Variants in SYCP1 observed in about 807,000 individuals in gnomAD.
The protein encoded by SYCP1 is cancer/testis antigen 8.
SYCP1 carries 64 observed loss-of-function variants against 153.1 expected under a neutral mutation model. The observed-to-expected ratio is 0.42, with a 90% confidence interval of 0.34 to 0.51. The LOEUF is 0.51. SYCP1 is among the 20% of genes least tolerant of loss of function. The pLI is 0.06. For missense variants in SYCP1, 997 were observed against 1,049.0 expected (o/e 0.95, Z 0.68); for synonymous variants, 384 against 341.8 (o/e 1.12, Z -1.36).
At chr1:114,963,809 T>C (rs1436149328) in intron 27 of SYCP1, among the ~76,000 whole-genome samples, 1 of 152,246 alleles carries the variant, frequency 6.6e-6, no homozygotes, top group African/African-American at 2.4e-5. Flanking sequence ...GTCTTTGCTA[T>C]TGTGAATAAT....
intron 14 of SYCP1, 25 bp downstream of exon 14, chr1:114,886,334 C>A (rs1666300574): frequency 1.4e-6 from 2 of 1,475,228 alleles, no homozygotes; most frequent in African/African-American, 1.4e-5. Flanking sequence ...ATTTTTAATA[C>A]ACAAAATAAG....
intron 8 of SYCP1, among the ~76,000 whole-genome samples, chr1:114,864,666 T>A (rs1200441032): frequency 6.6e-6 from 1 of 151,956 alleles, no homozygotes; most frequent in Non-Finnish European, 1.5e-5. Context: ...TTTTTGTATT[T>A]TTTTAGAGAC....
chr1:114,985,480 A>T (rs1014827769), intron 30 of SYCP1, among the ~76,000 whole-genome samples: 1 of 151,950 alleles, frequency 6.6e-6, no homozygotes, highest in Non-Finnish European at 1.5e-5. Context: ...AGATTCATTT[A>T]ATTTTTTTAA....
intron 16 of SYCP1, among the ~76,000 whole-genome samples, chr1:114,899,491 T>TA (rs1237391173): frequency 1.3e-5 from 2 of 152,198 alleles, no homozygotes; most frequent in African/African-American, 4.8e-5. Context: ...TCTTCAAAGT[T>TA]ATCAGACCTG....
rs1669218291 is a variant in SYCP1 at position 114,925,873 on chromosome 1, GGT to G, written c.1801-404_1801-403del. Among the ~76,000 whole-genome samples, 7 of 151,888 alleles carry G rather than the reference GGT, an allele frequency of 4.6e-5. 1 individual carries two copies. In the South Asian group the frequency reaches 1.5e-3, roughly 32 times the overall value. ...ACTGAGAGAAATTATATATATTAAT[GGT>G]ATACAAAGTGATGTTTTGATATATG... On this transcript the variant is annotated intron_variant, in intron 21 of 31. Coordinates refer to ENST00000369522, the MANE Select transcript of SYCP1 (RefSeq NM_003176.4).
intron 16 of SYCP1, among the ~76,000 whole-genome samples, chr1:114,897,126 T>C (rs1342016871): frequency 6.6e-6 from 1 of 152,164 alleles, no homozygotes; most frequent in African/African-American, 2.4e-5. Context: ...ACCTTCTCCA[T>C]TCTAAAGAAG....
chr1:114,935,398 T>C (rs1188949115), intron 23 of SYCP1, among the ~76,000 whole-genome samples: 1 of 152,204 alleles, frequency 6.6e-6, no homozygotes, highest in African/African-American at 2.4e-5. Flanking sequence ...CTGGGACACA[T>C]TTAAAGCAGT....
chr1:114,890,715 C>A (rs1221472414), intron 15 of SYCP1, among the ~76,000 whole-genome samples: 1 of 152,086 alleles, frequency 6.6e-6, no homozygotes, highest in Non-Finnish European at 1.5e-5. Flanking sequence ...GTCTCAAAAC[C>A]AGAAATCTTG....
intron 27 of SYCP1, among the ~76,000 whole-genome samples, chr1:114,959,295 A>G (rs759339980): frequency 1.3e-5 from 2 of 152,220 alleles, no homozygotes; most frequent in Non-Finnish European, 2.9e-5. Context: ...AACCAACTTT[A>G]CATTCTTGGC....
At chr1:114,894,471 C>T (rs1206720498) in intron 15 of SYCP1, among the ~76,000 whole-genome samples, 1 of 151,920 alleles carries the variant, frequency 6.6e-6, no homozygotes, top group African/African-American at 2.4e-5. Context: ...TTTTTGTGGG[C>T]AGGTTAAAAA....
At chr1:114,920,874 G>A (rs1474448465) in intron 20 of SYCP1, among the ~76,000 whole-genome samples, 1 of 152,056 alleles carries the variant, frequency 6.6e-6, no homozygotes, top group Non-Finnish European at 1.5e-5. Context: ...TATCTTTACA[G>A]GTGAAGAGGT....
rs1222095483 is a variant in SYCP1 at position 114,981,375 on chromosome 1, T to A, written c.2422T>A (p.Trp808Arg). ...TTTATTGGAAACACCTGAAATTTAT[T>A]GGAAATTGGATTCTAAAGCAGTTCC... is the stretch of plus-strand genomic sequence containing the variant. ...TFLLETPEIY[W>R]KLDSKAVPSQ... Residue 808 changes from tryptophan to arginine, a missense_variant, in exon 29 of 32, where the codon TGG becomes AGG. By Grantham distance (101) the Trp-to-Arg change is moderately radical. Around this residue, in one of 2 missense-constraint regions of SYCP1, gnomAD observed 712 missense variants for 682.9 expected, o/e 1.04. Coordinates refer to ENST00000369522, the MANE Select transcript of SYCP1 (RefSeq NM_003176.4). The A allele has an allele frequency of 6.2e-7, 1 of 1,602,352 alleles. No homozygotes were observed. Among genetic ancestry groups the A allele is most frequent in the Admixed American group, 1.7e-5 (1 of 57,166 alleles).
intron 30 of SYCP1, among the ~76,000 whole-genome samples, chr1:114,990,555 G>T (rs1673851518): frequency 6.6e-6 from 1 of 151,824 alleles, no homozygotes; most frequent in Non-Finnish European, 1.5e-5. Flanking sequence ...TTGGTTCTTT[G>T]AAAAGATCAA....
intron 23 of SYCP1, among the ~76,000 whole-genome samples, chr1:114,940,604 A>G (rs1202951316): frequency 6.6e-6 from 1 of 152,166 alleles, no homozygotes; most frequent in Non-Finnish European, 1.5e-5. Context: ...ACTGATTTCT[A>G]GCATAACTGA....
intron 8 of SYCP1, among the ~76,000 whole-genome samples, chr1:114,865,453 T>C (rs1349186927): frequency 6.6e-6 from 1 of 152,218 alleles, no homozygotes; most frequent in Non-Finnish European, 1.5e-5. Flanking sequence ...AGGTTTAGAA[T>C]AGGTTCTGTC....
chr1:114,887,749 A>T (rs1406075400), intron 15 of SYCP1, 56 bp downstream of exon 15: 1 of 1,091,116 alleles, frequency 9.2e-7, no homozygotes, highest in Non-Finnish European at 1.3e-6. Flanking sequence ...TTATAGAATC[A>T]TAAACACTGT....
At chr1:114,857,591 T>C (rs1664092167) in intron 5 of SYCP1, 94 bp downstream of exon 5, 4 of 949,292 alleles carry the variant, frequency 4.2e-6, no homozygotes, top group Admixed American at 6.5e-5. Flanking sequence ...AAAAGGATTA[T>C]TATTTGATTA....
rs1557764716 is a variant in SYCP1, at chr1:114,878,212, TA to T, written c.910+11del. On this transcript the variant is annotated intron_variant, in intron 12 of 31. Transcript: ENST00000369522. ...TTAGAGGAAAAGACAAGTAAGAGTT[TA>T]TATAAGATAATATAATGTGCCTTAT... The T allele has an allele frequency of 6.9e-7, 1 of 1,453,044 alleles. No individual in the cohort carries two copies. The highest frequency in any genetic ancestry group is 2.3e-5 in the East Asian group (1 of 43,752). The allele number at this position is 1,453,044 out of a possible 1,614,324, so 90.0% of individuals were successfully genotyped here.
At chr1:114,856,811 T>C (rs1663977369) in intron 3 of SYCP1, among the ~76,000 whole-genome samples, 154 bp downstream of exon 3, 1 of 145,330 alleles carries the variant, frequency 6.9e-6, no homozygotes, top group Admixed American at 7.2e-5. Flanking sequence ...CTGGACACGG[T>C]GGCTAACACC....
Sources: gnomAD v4.1 joint callset for allele counts (sites outside exome capture counted in the v4.1 genomes callset) on GRCh38, gnomAD v4.1.1 for gene constraint, gnomAD v4.1.1 regional missense constraint, MANE v1.5 for transcripts, NCBI Gene and HGNC (gene_info 2026-07-23, HGNC 2026-07-21) for gene names.